FGFR2: variants seen among roughly 807,000 people sequenced by gnomAD.
The protein encoded by FGFR2 is BEK fibroblast growth factor receptor.
A neutral mutation model predicts 95.9 loss-of-function variants in FGFR2; 19 were observed. The observed-to-expected ratio is 0.20, with a 90% CI of 0.14 to 0.29. The LOEUF (loss-of-function observed/expected upper bound fraction) is 0.29, where lower values mean the gene tolerates loss of function less well. FGFR2 is among the 10% of genes least tolerant of loss of function. The pLI is 1.00. For synonymous variants in FGFR2, 392 were observed against 393.3 expected (o/e 1.00, Z 0.04); for missense variants, 707 against 1,056.9 (o/e 0.67, Z 4.59).
Position 121,497,923 on chromosome 10 carries a change from A to C in FGFR2, c.1672+572T>G, listed in dbSNP as rs373219827. On this transcript the variant is annotated intron_variant, in intron 12 of 17. Coordinates refer to ENST00000358487, the MANE Select transcript of FGFR2 (RefSeq NM_000141.5). ...CCTACAAGAGAAATTGCTAAGTCAAAGATAGGCGTTTTCAAGTTTACTAAT... is the reference window on the plus strand; with the variant it reads ...CCTACAAGAGAAATTGCTAAGTCAACGATAGGCGTTTTCAAGTTTACTAAT... 1.6e-3 allele frequency among the ~76,000 whole-genome samples: 247 copies of C among 152,362 alleles called. 1 individual carries two copies. Among genetic ancestry groups the C allele is most frequent in the African/African-American group, 5.2e-3 (217 of 41,584 alleles).
intron 9 of FGFR2, among the ~76,000 whole-genome samples, chr10:121,510,403 G>A (rs545068785): frequency 6.6e-6 from 1 of 152,294 alleles, no homozygotes; most frequent in South Asian, 2.1e-4. Context: ...GGGAGGATGA[G>A]GTGCCCACAT....
intron 4 of FGFR2, among the ~76,000 whole-genome samples, chr10:121,553,770 G>A (rs1033500694): frequency 1.1e-4 from 17 of 152,174 alleles, no homozygotes; most frequent in African/African-American, 3.9e-4. Context: ...CAACAGATAT[G>A]TGCTTACATA....
chr10:121,574,031 C>A (rs1457018108), intron 2 of FGFR2, among the ~76,000 whole-genome samples: 1 of 152,208 alleles, frequency 6.6e-6, no homozygotes, highest in Non-Finnish European at 1.5e-5. Flanking sequence ...TAACCCCCAA[C>A]TGGCCCTCTT....
intron 13 of FGFR2, among the ~76,000 whole-genome samples, chr10:121,491,728 G>C (rs749369612): frequency 1.5e-4 from 23 of 152,000 alleles, no homozygotes; most frequent in Non-Finnish European, 1.9e-4. Flanking sequence ...AAATTAGCCG[G>C]GCGTGGTGGC....
Position 121,538,670 on chromosome 10 carries a change from A to G in FGFR2, c.670T>C (p.Ser224Pro), listed in dbSNP as rs1216426276. 6.2e-7 allele frequency: 1 copy of G among 1,614,058 alleles called. No individual in the cohort carries two copies. Among genetic ancestry groups the G allele is most frequent in the Non-Finnish European group, 8.5e-7 (1 of 1,180,032 alleles). Residue 224 changes from serine to proline, a missense_variant, in exon 6 of 18, where the codon TCT becomes CCT. By Grantham distance (74) the Ser-to-Pro change is moderately conservative. Transcript: ENST00000358487. ...ACACAGGTATAATTTCCCTTGTCAG[A>G]TGGGACCACACTTTCCATAATGAGG... ...WSLIMESVVP[S>P]DKGNYTCVVE...
At chr10:121,585,404 T>C (rs181531709) in intron 2 of FGFR2, among the ~76,000 whole-genome samples, 5 of 152,332 alleles carry the variant, frequency 3.3e-5, no homozygotes, top group Middle Eastern at 6.8e-3. Flanking sequence ...AAACATCTTG[T>C]TGGTCCAGGA....
intron 2 of FGFR2, among the ~76,000 whole-genome samples, chr10:121,571,084 G>C (rs1484309840): frequency 1.3e-5 from 2 of 151,752 alleles, no homozygotes; most frequent in Non-Finnish European, 2.9e-5. Flanking sequence ...CACCTCCCGG[G>C]TTCACGCTAT....
chr10:121,589,403 T>A (rs1038400501), intron 2 of FGFR2, among the ~76,000 whole-genome samples: 22 of 152,268 alleles, frequency 1.4e-4, no homozygotes, highest in African/African-American at 5.3e-4. Context: ...ATTTGTTAAG[T>A]CTGATATTAA....
chr10:121,526,849 G>A (rs1489777809), intron 6 of FGFR2: 2 of 398,416 alleles, frequency 5.0e-6, no homozygotes, highest in Non-Finnish European at 8.9e-6. Context: ...TCACCCAGGT[G>A]TCCGCATCTT....
chr10:121,487,116 C>T (rs145433085), intron 15 of FGFR2, among the ~76,000 whole-genome samples: 26 of 152,332 alleles, frequency 1.7e-4, no homozygotes, highest in African/African-American at 6.0e-4. Context: ...GAAGGACTTC[C>T]GCTCTGGCAG....
intron 15 of FGFR2, among the ~76,000 whole-genome samples, chr10:121,486,582 C>A (rs966457006): frequency 2.0e-5 from 3 of 152,206 alleles, no homozygotes; most frequent in Non-Finnish European, 2.9e-5. Context: ...GTGGAGATTA[C>A]AGACACGCAT....
intron 5 of FGFR2, among the ~76,000 whole-genome samples, chr10:121,539,243 G>T (rs566517169): frequency 6.6e-6 from 1 of 152,220 alleles, no homozygotes; most frequent in African/African-American, 2.4e-5. Context: ...TTGTCTGGAT[G>T]TCTCAAGAAG....
At chr10:121,494,350 G>A (rs762602596) in intron 13 of FGFR2, among the ~76,000 whole-genome samples, 6 of 151,968 alleles carry the variant, frequency 3.9e-5, no homozygotes, top group East Asian at 1.9e-4. Flanking sequence ...TGGCCACTTC[G>A]CTGGAGAGCC....
intron 6 of FGFR2, among the ~76,000 whole-genome samples, chr10:121,525,061 G>A (rs752581249): frequency 6.6e-6 from 1 of 152,210 alleles, no homozygotes; most frequent in African/African-American, 2.4e-5. Flanking sequence ...TTAACTCTCA[G>A]ATATTATATA....
chr10:121,533,449 T>C (rs1852366471), intron 6 of FGFR2, among the ~76,000 whole-genome samples: 2 of 152,106 alleles, frequency 1.3e-5, no homozygotes, highest in South Asian at 4.2e-4. Flanking sequence ...GAGGCACCAT[T>C]TCCACTTCCA....
intron 13 of FGFR2, among the ~76,000 whole-genome samples, chr10:121,496,024 C>T (rs1019984106): frequency 5.3e-5 from 8 of 152,298 alleles, no homozygotes; most frequent in South Asian, 2.1e-4. Flanking sequence ...ACCCGCCAAA[C>T]GAGGCAAAAT....
At chr10:121,526,337 T>C (rs1404157401) in intron 6 of FGFR2, 4 of 397,062 alleles carry the variant, frequency 1.0e-5, no homozygotes, top group Non-Finnish European at 1.8e-5. Context: ...CCAGTTAGCA[T>C]GAGGCATGGT....
At chr10:121,486,814 T>C (rs1161377621) in intron 15 of FGFR2, among the ~76,000 whole-genome samples, 1 of 152,218 alleles carries the variant, frequency 6.6e-6, no homozygotes, top group East Asian at 1.9e-4. Context: ...TATATCATAA[T>C]AGAAATATTC....
chr10:121,522,175 T>A (rs948602476), intron 6 of FGFR2, among the ~76,000 whole-genome samples: 2 of 152,148 alleles, frequency 1.3e-5, no homozygotes, highest in African/African-American at 4.8e-5. Context: ...GCATAAAGTT[T>A]CAGTAAAGCA....
Sources: gnomAD v4.1 joint callset for allele counts (sites outside exome capture counted in the v4.1 genomes callset) on GRCh38, gnomAD v4.1.1 for gene constraint, MANE v1.5 for transcripts, NCBI Gene and HGNC (gene_info 2026-07-23, HGNC 2026-07-21) for gene names.